Variants in HK1 observed in about 807,000 individuals in gnomAD.
The protein encoded by HK1 is hexokinase-1.
A neutral mutation model predicts 91.6 loss-of-function variants in HK1; 28 were observed. The observed-to-expected ratio is 0.31, with a 90% CI of 0.23 to 0.42. HK1 has a LOEUF of 0.42. HK1 is among the 10% of genes least tolerant of loss of function. The probability of loss-of-function intolerance (pLI) is 1.00; values close to 1 mark genes in which losing one functional copy is unlikely to be tolerated. For synonymous variants in HK1, 430 were observed against 468.1 expected (o/e 0.92, Z 1.05); for missense variants, 770 against 1,219.8 (o/e 0.63, Z 5.49).
chr10:69,311,001 G>C (rs191195757), upstream of HK1, among the ~76,000 whole-genome samples: 1 of 151,616 alleles, frequency 6.6e-6, no homozygotes, highest in African/African-American at 2.4e-5. Flanking sequence ...AGGTTGCAGT[G>C]AGCCGAGACT....
intron 2 of HK1, among the ~76,000 whole-genome samples, chr10:69,284,845 C>A (rs765234861): frequency 8.6e-5 from 13 of 151,982 alleles, no homozygotes; most frequent in Non-Finnish European, 1.3e-4. Flanking sequence ...AAGACGGAGT[C>A]TCTCTTTGTC....
At chr10:69,337,984 A>G (rs1041633267) in intron 1 of HK1, 2 of 154,450 alleles carry the variant, frequency 1.3e-5, no homozygotes, top group African/African-American at 4.8e-5. Context: ...GGGGTCGGGC[A>G]CAGAAATGTT....
intron 13 of HK1, 108 bp downstream of exon 13, chr10:69,386,526 G>C: frequency 1.2e-6 from 1 of 838,092 alleles, no homozygotes; most frequent in Non-Finnish European, 1.9e-6. Flanking sequence ...GCTCACGCCT[G>C]TAATCCCAGC....
chr10:69,309,188 T>TC (rs1293042078), intron 5 of HK1, among the ~76,000 whole-genome samples: 5 of 150,184 alleles, frequency 3.3e-5, no homozygotes, highest in Non-Finnish European at 5.9e-5. Context: ...TTTCTTTCTT[T>TC]TTTTTTTTTT....
chr10:69,300,875 C>T (rs780186896), intron 5 of HK1: 1 of 1,326,856 alleles, frequency 7.5e-7, no homozygotes. Context: ...CGTAGAAAAT[C>T]CTGGAATACC....
At chr10:69,271,653 A>G (rs1844174996) in intron 1 of HK1, among the ~76,000 whole-genome samples, 2 of 150,408 alleles carry the variant, frequency 1.3e-5, no homozygotes, top group Non-Finnish European at 3.0e-5. Flanking sequence ...AATTTTTTGC[A>G]TTTTTATTAG....
At chr10:69,326,635 GTTAA>G (rs1460393114) in intron 1 of HK1, among the ~76,000 whole-genome samples, 2 of 152,148 alleles carry the variant, frequency 1.3e-5, no homozygotes, top group Non-Finnish European at 2.9e-5. Context: ...ATACATTTGA[GTTAA>G]TTTTTTATTA....
chr10:69,350,184 G>A (rs994614801), intron 2 of HK1, among the ~76,000 whole-genome samples: 15 of 152,310 alleles, frequency 9.8e-5, no homozygotes, highest in African/African-American at 1.2e-4. Context: ...AACCAATCAC[G>A]ATGGACAAGA....
chr10:69,374,052 G>C lies in HK1; in HGVS notation c.876-2882G>C, dbSNP rs150741935. On this transcript the variant is annotated intron_variant, in intron 7 of 17. Coordinates refer to ENST00000359426, the MANE Select transcript of HK1 (RefSeq NM_000188.3). ...AGCAGTGACTGCAACAGCAAACGCT[G>C]GTGGTTGGTGTTCAGGAGAGCTCTT... 2.1e-3 allele frequency among the ~76,000 whole-genome samples: 323 copies of C among 152,318 alleles called. 2 individuals are homozygous for C. Among genetic ancestry groups the C allele is most frequent in the African/African-American group, 7.5e-3 (310 of 41,566 alleles).
intron 1 of HK1, 79 bp downstream of exon 1, chr10:69,319,089 C>T (rs1846848136): frequency 6.7e-7 from 1 of 1,492,722 alleles, no homozygotes; most frequent in Admixed American, 2.0e-5. Flanking sequence ...CCGCTGCCTC[C>T]ATCCTCCGGC....
intron 2 of HK1, among the ~76,000 whole-genome samples, chr10:69,355,255 A>C (rs1423195223): frequency 1.3e-5 from 2 of 152,178 alleles, no homozygotes; most frequent in East Asian, 1.9e-4. Flanking sequence ...GCTTGGTAGA[A>C]TCAAATACAA....
chr10:69,341,367 C>T lies in HK1; in HGVS notation c.64-2460C>T, dbSNP rs191817625. 9.7e-4 allele frequency among the ~76,000 whole-genome samples: 148 copies of T among 151,806 alleles called. 3 individuals carry two copies. The East Asian group carries it at 0.025, about 26-fold the overall frequency. ...TTAGAGACGAGGTTTTGCCAAGTTTCCCAGGCTGCTCTCGAACTCCTGGCC... is the reference window on the plus strand; with the variant it reads ...TTAGAGACGAGGTTTTGCCAAGTTTTCCAGGCTGCTCTCGAACTCCTGGCC... On this transcript the variant is annotated intron_variant, in intron 1 of 17. Transcript: ENST00000359426.
At position 69,376,918 on chromosome 10, in the gene HK1, G is replaced by A. The variant is rs373066820; in HGVS notation, c.876-16G>A. ...CAGAGGAAGGCTGACAAGTGCCGGT[G>A]TGCCTTTCTCCACAGGTTTGAGAAG... is the stretch of plus-strand genomic sequence containing the variant. On this transcript the variant is annotated splice_polypyrimidine_tract_variant and intron_variant, in intron 7 of 17. Coordinates refer to ENST00000359426, the MANE Select transcript of HK1 (RefSeq NM_000188.3). 21 of 1,613,986 alleles carry A rather than the reference G, an allele frequency of 1.3e-5. No individual in the cohort carries two copies. The highest frequency in any genetic ancestry group is 1.7e-5 in the Non-Finnish European group (20 of 1,179,958).
chr10:69,362,642 C>G (rs1490392900), intron 3 of HK1, among the ~76,000 whole-genome samples: 1 of 152,042 alleles, frequency 6.6e-6, no homozygotes, highest in Admixed American at 6.6e-5. Flanking sequence ...GGCCTGGATC[C>G]GGGAACTGGT....
chr10:69,386,215 T>G, intron 12 of HK1, 108 bp from the exon 13 acceptor site: 1 of 814,794 alleles, frequency 1.2e-6, no homozygotes, highest in South Asian at 1.4e-5. Flanking sequence ...CCGTCTCCGA[T>G]GTTGTAAGCC....
At position 69,318,900 on chromosome 10, in the gene HK1, A is replaced by C; in HGVS notation, c.-48A>C. Reference sequence around the variant, plus strand: ...GGACCACGGCTCGCCAGGGCTGCGGAGGACCGACCGTCCCCACGCCTGCCG... The same window carrying C: ...GGACCACGGCTCGCCAGGGCTGCGGCGGACCGACCGTCCCCACGCCTGCCG... On this transcript the variant is annotated 5_prime_UTR_variant, in exon 1 of 18. Coordinates refer to ENST00000359426, the MANE Select transcript of HK1 (RefSeq NM_000188.3). 1 of 1,549,928 alleles carries C rather than the reference A, an allele frequency of 6.5e-7. No individual in the cohort carries two copies.
intron 1 of HK1, among the ~76,000 whole-genome samples, chr10:69,333,491 A>G (rs531355314): frequency 9.1e-4 from 139 of 152,200 alleles, no homozygotes; most frequent in Non-Finnish European, 1.7e-3. Flanking sequence ...ATTTTTAGCT[A>G]GTTCAGTGTG....
Position 69,369,369 on chromosome 10 carries a change from C to T in HK1, c.691+33C>T, listed in dbSNP as rs200542234. The T allele has an allele frequency of 1.2e-4, 199 of 1,612,910 alleles. 1 individual carries two copies. In the East Asian group the frequency reaches 3.1e-3, roughly 25 times the overall value. ...ATTCCCCTTTGCCCATCCATTTGTT[C>T]GGCCCATCTTTCCAGGTGGCTCTGC... is the stretch of plus-strand genomic sequence containing the variant. On this transcript the variant is annotated intron_variant, in intron 6 of 17. Transcript: ENST00000359426. The surrounding 1 kb of genome is among the most constrained non-coding windows in gnomAD (Gnocchi z 4.4).
At chr10:69,359,371 C>T (rs1849304060) in intron 2 of HK1, among the ~76,000 whole-genome samples, 1 of 152,130 alleles carries the variant, frequency 6.6e-6, no homozygotes, top group Non-Finnish European at 1.5e-5. Flanking sequence ...AAAATGGTTG[C>T]AGTGGTAAAT....
Sources: gnomAD v4.1 joint callset for allele counts (sites outside exome capture counted in the v4.1 genomes callset) on GRCh38, gnomAD v4.1.1 for gene constraint, Gnocchi (gnomAD v3.1) non-coding constraint, MANE v1.5 for transcripts, NCBI Gene and HGNC (gene_info 2026-07-23, HGNC 2026-07-21) for gene names.